Variants in ADCY2 observed in about 807,000 individuals in gnomAD.
The protein encoded by ADCY2 is adenylate cyclase type 2.
Under a neutral mutation model 125.2 loss-of-function variants are expected in ADCY2, and 31 were observed. The ratio of observed to expected loss-of-function variants is 0.25; its 90% confidence interval spans 0.19 to 0.33. The LOEUF (loss-of-function observed/expected upper bound fraction) is 0.33, where lower values mean the gene tolerates loss of function less well. Among genes scored for constraint, ADCY2 ranks in the 10% least tolerant of loss-of-function variants. The pLI is 1.00. For missense variants in ADCY2, 904 were observed against 1,418.2 expected (o/e 0.64, Z 5.82); for synonymous variants, 512 against 548.4 (o/e 0.93, Z 0.93).
At chr5:7,634,124 G>A (rs1377392997) in intron 4 of ADCY2, among the ~76,000 whole-genome samples, 2 of 152,070 alleles carry the variant, frequency 1.3e-5, no homozygotes, top group Non-Finnish European at 2.9e-5. Flanking sequence ...TTAATGGGGG[G>A]GAAAGGCATT....
intron 3 of ADCY2, among the ~76,000 whole-genome samples, chr5:7,607,304 C>G (rs1737411590): frequency 6.6e-6 from 1 of 152,212 alleles, no homozygotes; most frequent in African/African-American, 2.4e-5. Context: ...ATTCTCAGTT[C>G]TTCCCTCCAC....
At chr5:7,652,611 A>G (rs1272892476) in intron 4 of ADCY2, among the ~76,000 whole-genome samples, 2 of 152,354 alleles carry the variant, frequency 1.3e-5, no homozygotes, top group South Asian at 2.1e-4. Context: ...TACAAGGTCT[A>G]TAGAATTCCT....
At chr5:7,566,631 C>T (rs895815383) in intron 3 of ADCY2, among the ~76,000 whole-genome samples, 3 of 152,074 alleles carry the variant, frequency 2.0e-5, no homozygotes, top group Non-Finnish European at 4.4e-5. Flanking sequence ...ATGTCAACTT[C>T]GCAACAGCCA....
chr5:7,614,395 A>G (rs1210152193), intron 3 of ADCY2, among the ~76,000 whole-genome samples: 1 of 152,110 alleles, frequency 6.6e-6, no homozygotes, highest in African/African-American at 2.4e-5. Flanking sequence ...TCTGTATAAA[A>G]TTTCATTACA....
At chr5:7,475,922 C>A (rs1257305213) in intron 2 of ADCY2, among the ~76,000 whole-genome samples, 1 of 152,112 alleles carries the variant, frequency 6.6e-6, no homozygotes, top group Non-Finnish European at 1.5e-5. Flanking sequence ...TATATACATT[C>A]TTCTAATTAA....
chr5:7,500,918 A>C (rs887256437), intron 2 of ADCY2, among the ~76,000 whole-genome samples: 3 of 152,142 alleles, frequency 2.0e-5, no homozygotes, highest in African/African-American at 7.2e-5. Context: ...GAGATGAAAA[A>C]GCATTCTTTG....
intron 2 of ADCY2, among the ~76,000 whole-genome samples, chr5:7,475,859 T>G (rs1397843633): frequency 6.6e-6 from 1 of 152,126 alleles, no homozygotes; most frequent in African/African-American, 2.4e-5. Context: ...GTTTTGGAGA[T>G]CTAAAGTCTG....
At chr5:7,668,448 A>T (rs1035640604) in intron 4 of ADCY2, among the ~76,000 whole-genome samples, 1 of 152,242 alleles carries the variant, frequency 6.6e-6, no homozygotes, top group African/African-American at 2.4e-5. Flanking sequence ...CAATAGACAG[A>T]TAGACAGCAA....
Position 7,479,338 on chromosome 5 carries a change from G to A in ADCY2, c.409-41400G>A, listed in dbSNP as rs62341499. Among the ~76,000 whole-genome samples the A allele has an allele frequency of 5.9e-3, 899 of 152,142 alleles. 13 individuals are homozygous for A. Among genetic ancestry groups the A allele is most frequent in the Non-Finnish European group, 0.01 (681 of 67,978 alleles). The stretch of plus-strand genomic sequence containing the variant: ...AACGTTATTTACTCAAATGTAAGAA[G>A]AAAATCCAACAACTGTCTCAAGAGT... On this transcript the variant is annotated intron_variant, in intron 2 of 24. Transcript: ENST00000338316.
Position 7,789,809 on chromosome 5 carries a change from A to AG in ADCY2, c.2628+15dup. 6.7e-6 allele frequency: 2 copies of AG among 297,618 alleles called. No homozygotes were observed. The highest frequency in any genetic ancestry group is 1.2e-5 in the Non-Finnish European group (2 of 172,016). The allele number at this position is 297,618 out of a possible 1,614,324, so 18.4% of individuals were successfully genotyped here. A position where few individuals can be genotyped will look rare whatever the true frequency, so the allele number is the denominator to read the frequency against. ...GGAGCCTGAAGAATGAGGTCAGACC[A>AG]GGGGGGCTGGGGGCTGGGGGAGGGG... On this transcript the variant is annotated intron_variant, in intron 20 of 24. Coordinates refer to ENST00000338316, the MANE Select transcript of ADCY2 (RefSeq NM_020546.3).
intron 10 of ADCY2, among the ~76,000 whole-genome samples, chr5:7,712,196 G>A (rs921364682): frequency 1.3e-5 from 2 of 152,128 alleles, no homozygotes; most frequent in Non-Finnish European, 2.9e-5. Flanking sequence ...GAGCAGTTTT[G>A]TTCCAACTTT....
intron 2 of ADCY2, among the ~76,000 whole-genome samples, chr5:7,470,504 TTAATTA>T (rs1266817356): frequency 2.0e-5 from 3 of 148,762 alleles, no homozygotes; most frequent in African/African-American, 7.3e-5. Flanking sequence ...GACTATAGTT[TTAATTA>T]TAATTATATG....
At chr5:7,467,111 G>C (rs780201700) in intron 2 of ADCY2, among the ~76,000 whole-genome samples, 6 of 152,192 alleles carry the variant, frequency 3.9e-5, no homozygotes, top group Non-Finnish European at 5.9e-5. Context: ...AGATAAGAGA[G>C]AGCTTAAGTG....
chr5:7,700,191 G>A (rs1270123591), intron 7 of ADCY2, among the ~76,000 whole-genome samples: 3 of 152,102 alleles, frequency 2.0e-5, no homozygotes, highest in Non-Finnish European at 2.9e-5. Flanking sequence ...ATTTGTATTT[G>A]TAACATATAT....
At position 7,828,974 on chromosome 5, in the gene ADCY2, A is replaced by G. The variant is rs1745565730; in HGVS notation, c.*2103A>G. On this transcript the variant is annotated 3_prime_UTR_variant, in exon 25 of 25. Transcript: ENST00000338316. ...GTGCACCGAACTTGGGTTTGCGCTA[A>G]AAAGAACTCAAAAGGAGAACTGTGC... 6.6e-6 allele frequency: 1 copy of G among 152,328 alleles called. No individual in the cohort carries two copies. The highest frequency in any genetic ancestry group is 1.5e-5 in the Non-Finnish European group (1 of 68,048). 9.4% of individuals were successfully genotyped at this position (152,328 alleles called of 1,614,324 possible). A position where few individuals can be genotyped will look rare whatever the true frequency, so the allele number is the denominator to read the frequency against.
intron 3 of ADCY2, among the ~76,000 whole-genome samples, chr5:7,623,049 C>G (rs1028558807): frequency 3.3e-5 from 5 of 152,198 alleles, no homozygotes; most frequent in Non-Finnish European, 7.3e-5. Context: ...CAAGGCAGCA[C>G]TCACATTCCA....
At chr5:7,446,567 T>A (rs1305818423) in intron 2 of ADCY2, among the ~76,000 whole-genome samples, 1 of 152,140 alleles carries the variant, frequency 6.6e-6, no homozygotes, top group East Asian at 1.9e-4. Context: ...CATACATACA[T>A]ACATACATAC....
At chr5:7,441,422 T>C in intron 2 of ADCY2, among the ~76,000 whole-genome samples, 1 of 152,302 alleles carries the variant, frequency 6.6e-6, no homozygotes, top group African/African-American at 2.4e-5. Context: ...TTAGTGTTTT[T>C]TTTTTAAATA....
intron 3 of ADCY2, among the ~76,000 whole-genome samples, chr5:7,552,596 T>A (rs185083748): frequency 6.6e-6 from 1 of 152,240 alleles, no homozygotes; most frequent in Non-Finnish European, 1.5e-5. Context: ...TTGTTAAAAC[T>A]GTTCTGTGGC....
Sources: allele counts gnomAD v4.1 joint callset (sites outside exome capture counted in the v4.1 genomes callset), GRCh38; gene constraint gnomAD v4.1.1; transcripts MANE v1.5; gene names NCBI Gene and HGNC (gene_info 2026-07-23, HGNC 2026-07-21).